The following AP3B1 variants were observed in gnomAD, a reference collection of about 807,000 sequenced individuals.
AP3B1 encodes AP-3 complex subunit beta-1.
In AP3B1, 61 loss-of-function variants were observed where a neutral mutation model predicts 132.5. The ratio of observed to expected loss-of-function variants is 0.46; its 90% CI spans 0.37 to 0.57. The LOEUF is 0.57. Ranked by LOEUF, AP3B1 falls within the 20% of genes least tolerant of loss-of-function variation. The pLI is 0.00. For missense variants in AP3B1, 1,120 were observed against 1,289.4 expected, an observed-to-expected ratio of 0.87 and a Z score of 2.01; for synonymous variants, 388 against 438.3, an observed-to-expected ratio of 0.89 and a Z score of 1.43.
intron 7 of AP3B1, among the ~76,000 whole-genome samples, chr5:78,189,869 C>CAAATAAAATA (rs55792888): frequency 0.022 from 2,225 of 102,304 alleles, 79 homozygotes; most frequent in East Asian, 0.15. Flanking sequence ...GACTCCATCT[C>CAAATAAAATA]AAATAAAATA....
intron 1 of AP3B1, among the ~76,000 whole-genome samples, chr5:78,275,198 C>T (rs956699906): frequency 3.3e-5 from 5 of 151,902 alleles, no homozygotes; most frequent in African/African-American, 9.7e-5. Context: ...CAAAAGATAT[C>T]GGAATGACAT....
At chr5:78,137,509 G>A (rs759539671) in intron 15 of AP3B1, among the ~76,000 whole-genome samples, 43 of 152,134 alleles carry the variant, frequency 2.8e-4, no homozygotes, top group Admixed American at 1.6e-3. Flanking sequence ...TCCTTTTGGA[G>A]GTCTAGCCAC....
At chr5:78,249,369 A>G (rs1747529987) in intron 2 of AP3B1, among the ~76,000 whole-genome samples, 1 of 152,122 alleles carries the variant, frequency 6.6e-6, no homozygotes, top group South Asian at 2.1e-4. Context: ...CGTCTCAAAA[A>G]ATAAAAATAA....
At chr5:78,293,189 CA>C (rs1749608721) in intron 1 of AP3B1, among the ~76,000 whole-genome samples, 1 of 152,060 alleles carries the variant, frequency 6.6e-6, no homozygotes, top group African/African-American at 2.4e-5. Flanking sequence ...CCAAATCTGA[CA>C]AAAATCTAAG....
At chr5:78,071,833 T>C (rs1327645578) in intron 22 of AP3B1, among the ~76,000 whole-genome samples, 5 of 152,238 alleles carry the variant, frequency 3.3e-5, no homozygotes, top group Admixed American at 2.0e-4. Flanking sequence ...TGATGTTTAC[T>C]GAAGCCATTT....
chr5:78,285,268 A>C (rs928099458), intron 1 of AP3B1, among the ~76,000 whole-genome samples: 21 of 148,836 alleles, frequency 1.4e-4, no homozygotes, highest in Non-Finnish European at 2.7e-4. Context: ...AAAAAATACT[A>C]ACCACAATTC....
chr5:78,003,190 C>T, intron 26 of AP3B1, 135 bp from the exon 27 acceptor site: 3 of 1,035,520 alleles, frequency 2.9e-6, no homozygotes, highest in Non-Finnish European at 4.2e-6. Flanking sequence ...TTGCCAAAAA[C>T]CCAAAGCCAA....
Position 78,228,201 on chromosome 5 carries a change from A to G in AP3B1, c.318T>C (p.Ala106=), listed in dbSNP as rs780602414. 1.2e-6 allele frequency: 2 copies of G among 1,612,152 alleles called. No homozygotes were observed. The highest frequency in any genetic ancestry group is 1.1e-5 in the South Asian group (1 of 90,898). Residue 106 remains alanine (A), a synonymous_variant, in exon 4 of 27, where the codon GCT becomes GCC. Transcript: ENST00000255194. ...KLVYVYLVRY[A]EEQQDLALLS... ...GGAGTGCAAGATCCTGCTGTTCTTC[A>G]GCATATCGAACCAGGTAAACATATA...
At chr5:78,269,982 C>T (rs1748483680) in intron 1 of AP3B1, among the ~76,000 whole-genome samples, 1 of 151,736 alleles carries the variant, frequency 6.6e-6, no homozygotes, top group South Asian at 2.1e-4. Context: ...AGTGTGATCT[C>T]CGCTCACGCA....
At chr5:78,067,702 C>A (rs1358181253) in intron 22 of AP3B1, among the ~76,000 whole-genome samples, 1 of 152,126 alleles carries the variant, frequency 6.6e-6, no homozygotes, top group Non-Finnish European at 1.5e-5. Context: ...TCAAGAAGTT[C>A]TTTGAAACCA....
chr5:78,000,719 G>GA (rs1407240445), downstream of AP3B1: 1 of 152,014 alleles, frequency 6.6e-6, no homozygotes, highest in Admixed American at 6.6e-5. Context: ...ACATTAAAAT[G>GA]AAAAAATATA....
chr5:78,021,119 G>A (rs1019150877), intron 24 of AP3B1, among the ~76,000 whole-genome samples: 4 of 151,618 alleles, frequency 2.6e-5, no homozygotes, highest in Admixed American at 2.6e-4. Flanking sequence ...AGCTTATAGA[G>A]AAGTAATATT....
At chr5:78,134,563 G>A (rs1331242235) in intron 15 of AP3B1, among the ~76,000 whole-genome samples, 5 of 151,976 alleles carry the variant, frequency 3.3e-5, no homozygotes, top group Admixed American at 3.3e-4. Context: ...CTTTTGAGAT[G>A]GAGTTTCGCT....
In AP3B1 at chr5:78,086,619, T is replaced by C. The variant is rs550925858; in HGVS notation, c.2577+2774A>G. Among the ~76,000 whole-genome samples the C allele has an allele frequency of 5.6e-4, 85 of 152,170 alleles. 1 individual carries two copies. The highest frequency in any genetic ancestry group is 1.7e-3 in the Admixed American group (26 of 15,272). On this transcript the variant is annotated intron_variant, in intron 22 of 26. Coordinates refer to ENST00000255194, the MANE Select transcript of AP3B1 (RefSeq NM_003664.5). ...AACCGGAGGGAGGGACAGTAAAAGATGCCACTAGCTTTAAGGAGTGAAGGC... is the reference window on the plus strand; with the variant it reads ...AACCGGAGGGAGGGACAGTAAAAGACGCCACTAGCTTTAAGGAGTGAAGGC...
chr5:78,053,410 A>C (rs1748662754), intron 22 of AP3B1, among the ~76,000 whole-genome samples: 1 of 152,134 alleles, frequency 6.6e-6, no homozygotes, highest in Non-Finnish European at 1.5e-5. Context: ...AGTCGGGTGC[A>C]GCGGCTCACG....
intron 22 of AP3B1, among the ~76,000 whole-genome samples, chr5:78,080,562 T>C (rs558487713): frequency 6.6e-6 from 1 of 151,604 alleles, no homozygotes; most frequent in South Asian, 2.1e-4. Context: ...GAGAATACAT[T>C]ATTCAACTAG....
chr5:78,081,835 A>C (rs1393803705), intron 22 of AP3B1, among the ~76,000 whole-genome samples: 1 of 152,176 alleles, frequency 6.6e-6, no homozygotes, highest in Non-Finnish European at 1.5e-5. Context: ...GAACAGAAAA[A>C]TTATGAAATC....
intron 2 of AP3B1, among the ~76,000 whole-genome samples, chr5:78,264,562 C>G (rs1183834827): frequency 6.6e-6 from 1 of 152,186 alleles, no homozygotes; most frequent in African/African-American, 2.4e-5. Flanking sequence ...ACCAGGAATT[C>G]ATCCTGATGC....
intron 18 of AP3B1, among the ~76,000 whole-genome samples, chr5:78,114,694 T>C (rs775743741): frequency 6.6e-6 from 1 of 152,224 alleles, no homozygotes; most frequent in Non-Finnish European, 1.5e-5. Context: ...GCCTGTGATC[T>C]ATGTAACGAA....
Sources: gnomAD v4.1 joint callset for allele counts (sites outside exome capture counted in the v4.1 genomes callset) on GRCh38, gnomAD v4.1.1 for gene constraint, MANE v1.5 for transcripts, NCBI Gene and HGNC (gene_info 2026-07-23, HGNC 2026-07-21) for gene names.